Variants in TSC22D3 observed in about 807,000 individuals in gnomAD.
The protein encoded by TSC22D3 is TSC22 domain family member 3.
Under a neutral mutation model 11.1 loss-of-function variants are expected in TSC22D3, and 4 were observed. The observed-to-expected ratio is 0.36, with a 90% CI of 0.18 to 0.83. The LOEUF is 0.83. TSC22D3 is among the 40% of genes least tolerant of loss of function. The pLI, the probability that TSC22D3 is intolerant of heterozygous loss-of-function variation, is 0.48. For missense variants in TSC22D3, 118 were observed against 159.4 expected (o/e 0.74, Z 1.40); for synonymous variants, 77 against 70.3 (o/e 1.10, Z -0.48).
In TSC22D3 at chrX:107,720,153, A is replaced by G. The variant is rs991989988; in HGVS notation, c.321-4203T>C. On this transcript the variant is annotated intron_variant, in intron 1 of 2. Coordinates refer to ENST00000372383, the MANE Select transcript of TSC22D3 (RefSeq NM_198057.3). ...TTTCCCCCTATTCCAGCTTTTAGGA[A>G]AATGAGGTCAATAAGAAAACAAGTT... 2.7e-5 allele frequency among the ~76,000 whole-genome samples: 3 copies of G among 109,687 alleles called. No individual in the cohort carries two copies. The South Asian group carries it at 1.2e-3, about 44-fold the overall frequency.
intron 1 of TSC22D3, among the ~76,000 whole-genome samples, chrX:107,723,847 T>A (rs1236302932): frequency 8.9e-6 from 1 of 112,298 alleles, no homozygotes; most frequent in Non-Finnish European, 1.9e-5. Context: ...TTGTTGGGGA[T>A]GGGGGTGCAG....
Position 107,714,383 on chromosome X carries a change from T to A in TSC22D3, c.*136A>T. Reference sequence around the variant, plus strand: ...GAGTGGACCCAGGTGGCCATGTCCTTAGGACATCTCTTGGCACCAGCTGTG... The same window carrying A: ...GAGTGGACCCAGGTGGCCATGTCCTAAGGACATCTCTTGGCACCAGCTGTG... On this transcript the variant is annotated 3_prime_UTR_variant, in exon 3 of 3. Coordinates refer to ENST00000372383, the MANE Select transcript of TSC22D3 (RefSeq NM_198057.3). 1 of 569,265 alleles carries A rather than the reference T, an allele frequency of 1.8e-6. No homozygotes were observed. Among genetic ancestry groups the A allele is most frequent in the Non-Finnish European group, 2.7e-6 (1 of 367,418 alleles). 46.9% of individuals were successfully genotyped at this position (569,265 alleles called of 1,213,427 possible).
In TSC22D3 at chrX:107,714,472, A is replaced by G. The variant is rs1001650552; in HGVS notation, c.*47T>C. ...AGCCAAAAACAAACTGGAAAGAACT[A>G]GGTAAAACAAGTTTAGTGGCTCTGC... On this transcript the variant is annotated 3_prime_UTR_variant, in exon 3 of 3. Coordinates refer to ENST00000372383, the MANE Select transcript of TSC22D3 (RefSeq NM_198057.3). 9.0e-7 allele frequency: 1 copy of G among 1,113,146 alleles called. No homozygotes were observed. The highest frequency in any genetic ancestry group is 1.8e-5 in the African/African-American group (1 of 54,884). The allele number at this position is 1,113,146 out of a possible 1,213,427, so 91.7% of individuals were successfully genotyped here.
chrX:107,735,907 G>A (rs1394293798), intron 1 of TSC22D3, among the ~76,000 whole-genome samples: 1 of 111,811 alleles, frequency 8.9e-6, no homozygotes, highest in Non-Finnish European at 1.9e-5. Flanking sequence ...GAGATGAAAG[G>A]AACTCTGAAG....
At chrX:107,725,385 G>T (rs187812188) in intron 1 of TSC22D3, among the ~76,000 whole-genome samples, 9 of 112,061 alleles carry the variant, frequency 8.0e-5, no homozygotes, top group African/African-American at 2.9e-4. Context: ...AGCATGTCTA[G>T]TGGAATAGGC....
At chrX:107,718,291 G>A in intron 1 of TSC22D3, among the ~76,000 whole-genome samples, 1 of 112,508 alleles carries the variant, frequency 8.9e-6, no homozygotes, top group East Asian at 2.8e-4. Flanking sequence ...AGCAAGAGGG[G>A]CAGGGACAGG....
Position 107,714,760 on chromosome X carries a change from G to C in TSC22D3, c.373-11C>G, listed in dbSNP as rs112805250. On this transcript the variant is annotated splice_polypyrimidine_tract_variant and intron_variant, in intron 2 of 2. Transcript: ENST00000372383. Reference sequence around the variant, plus strand: ...ATTCTTCACCAGATCCTGCCAATGAGGGAATCATAACAAAGCCATTCCTTA... The same window carrying C: ...ATTCTTCACCAGATCCTGCCAATGACGGAATCATAACAAAGCCATTCCTTA... The C allele has an allele frequency of 3.3e-3, 3,993 of 1,202,322 alleles. 70 individuals are homozygous for C. The African/African-American group carries it at 0.058, about 17-fold the overall frequency.
At chrX:107,721,984 C>T (rs1278938465) in intron 1 of TSC22D3, 19 of 413,328 alleles carry the variant, frequency 4.6e-5, no homozygotes, top group Non-Finnish European at 8.4e-5. Context: ...AGACTATAGA[C>T]AGGAAGGCCA....
chrX:107,731,849 G>A (rs1358055187), intron 1 of TSC22D3, among the ~76,000 whole-genome samples: 2 of 89,564 alleles, frequency 2.2e-5, no homozygotes, highest in Non-Finnish European at 4.4e-5. Context: ...GGTGCGGAAG[G>A]CTTGCAGGAT....
At chrX:107,760,219 C>T (rs1217680515) in intron 1 of TSC22D3, among the ~76,000 whole-genome samples, 1 of 112,820 alleles carries the variant, frequency 8.9e-6, no homozygotes, top group Non-Finnish European at 1.9e-5. Context: ...CCAGCCTGAG[C>T]AGAAGCAAGA....
At chrX:107,762,064 G>T (rs748991132) in intron 1 of TSC22D3, among the ~76,000 whole-genome samples, 89 of 112,159 alleles carry the variant, frequency 7.9e-4, no homozygotes, top group Non-Finnish European at 1.5e-3. Flanking sequence ...CCACCAAATT[G>T]TAAGTTTCCT....
chrX:107,716,770 G>T, intron 1 of TSC22D3: 2 of 1,209,895 alleles, frequency 1.7e-6, no homozygotes, highest in East Asian at 5.9e-5. Context: ...GCAGCTGGTA[G>T]ACCGCCACCT....
At chrX:107,748,105 C>A (rs1046144164) in intron 1 of TSC22D3, among the ~76,000 whole-genome samples, 1 of 111,953 alleles carries the variant, frequency 8.9e-6, no homozygotes, top group African/African-American at 3.3e-5. Context: ...CCTGGACACA[C>A]CCCTTCACAC....
Position 107,749,835 on chromosome X carries a change from G to A in TSC22D3, c.320+25265C>T, listed in dbSNP as rs191511435. On this transcript the variant is annotated intron_variant, in intron 1 of 2. Coordinates refer to ENST00000372383, the MANE Select transcript of TSC22D3 (RefSeq NM_198057.3). ...GCCTCGACGCTGGAGGAGTTGGGGTGCAGGGCACAGAAAAGGAGGGAGAGA... is the reference window on the plus strand; with the variant it reads ...GCCTCGACGCTGGAGGAGTTGGGGTACAGGGCACAGAAAAGGAGGGAGAGA... Among the ~76,000 whole-genome samples, 284 of 111,793 alleles carry A rather than the reference G, an allele frequency of 2.5e-3. 2 individuals carry two copies. The highest frequency in any genetic ancestry group is 8.8e-3 in the African/African-American group (271 of 30,734).
At chrX:107,757,099 A>C (rs1929212163) in intron 1 of TSC22D3, among the ~76,000 whole-genome samples, 1 of 112,652 alleles carries the variant, frequency 8.9e-6, no homozygotes, top group Non-Finnish European at 1.9e-5. Context: ...ACAGACGGAC[A>C]GTCTAACAAT....
chrX:107,716,550 T>TCCCCAGATGCC, intron 1 of TSC22D3: 1 of 238,508 alleles, frequency 4.2e-6, no homozygotes, highest in Non-Finnish European at 5.1e-6. Flanking sequence ...CTGCGTCCCC[T>TCCCCAGATGCC]CCCCCCCGCC....
At chrX:107,734,944 G>A (rs1364583257) in intron 1 of TSC22D3, among the ~76,000 whole-genome samples, 1 of 100,557 alleles carries the variant, frequency 9.9e-6, no homozygotes, top group Non-Finnish European at 1.9e-5. Flanking sequence ...ACCTCATAGA[G>A]GTTGTAACCA....
intron 1 of TSC22D3, among the ~76,000 whole-genome samples, chrX:107,763,246 A>G (rs932297050): frequency 3.6e-5 from 4 of 111,440 alleles, no homozygotes; most frequent in African/African-American, 1.3e-4. Flanking sequence ...CAATAATCTT[A>G]GTTCCTTTAG....
At chrX:107,738,326 C>T (rs998789322) in intron 1 of TSC22D3, among the ~76,000 whole-genome samples, 1 of 112,918 alleles carries the variant, frequency 8.9e-6, no homozygotes, top group Non-Finnish European at 1.9e-5. Context: ...CTCTTGAATG[C>T]ATGAACAAAA....
Sources: gnomAD v4.1 joint callset for allele counts (sites outside exome capture counted in the v4.1 genomes callset) on GRCh38, gnomAD v4.1.1 for gene constraint, MANE v1.5 for transcripts, NCBI Gene and HGNC (gene_info 2026-07-23, HGNC 2026-07-21) for gene names.